MTFR1: variants seen among roughly 807,000 people sequenced by gnomAD.
MTFR1 encodes the protein mitochondrial fission regulator 1, also known as chondrocyte protein with a poly-proline region.
Under a neutral mutation model 38.8 loss-of-function variants are expected in MTFR1, and 28 were observed. The observed-to-expected ratio is 0.72, with a 90% confidence interval of 0.53 to 0.99. The LOEUF is 0.99. Among genes scored for constraint, MTFR1 ranks in the 50% least tolerant of loss-of-function variants. The pLI is 0.00. For synonymous variants in MTFR1, 145 were observed against 137.0 expected (o/e 1.06, Z -0.41); for missense variants, 358 against 395.5 (o/e 0.91, Z 0.81).
chr8:65,735,603 G>A (rs1401273360), intron 3 of MTFR1, among the ~76,000 whole-genome samples: 2 of 151,938 alleles, frequency 1.3e-5, no homozygotes, highest in African/African-American at 4.8e-5. Context: ...GAGCCACTAT[G>A]CCCCACCTAA....
chr8:65,737,021 T>C (rs1283102192), intron 3 of MTFR1, among the ~76,000 whole-genome samples: 1 of 150,630 alleles, frequency 6.6e-6, no homozygotes, highest in East Asian at 2.1e-4. Flanking sequence ...GGTGGGAGGC[T>C]GGCTGGAGCT....
chr8:65,769,620 G>A (rs1808979217), intron 3 of MTFR1, among the ~76,000 whole-genome samples: 1 of 152,190 alleles, frequency 6.6e-6, no homozygotes, highest in Non-Finnish European at 1.5e-5. Flanking sequence ...TCTAGACTGG[G>A]TGCGGTAGCT....
At chr8:65,676,530 A>C (rs998455281) in intron 2 of MTFR1, among the ~76,000 whole-genome samples, 9 of 151,816 alleles carry the variant, frequency 5.9e-5, no homozygotes, top group Non-Finnish European at 5.9e-5. Flanking sequence ...CCCCTGGCTA[A>C]TTTTTGTATT....
At chr8:65,764,495 T>C (rs1236054367) in intron 3 of MTFR1, among the ~76,000 whole-genome samples, 1 of 152,152 alleles carries the variant, frequency 6.6e-6, no homozygotes, top group African/African-American at 2.4e-5. Flanking sequence ...CAGTACAGTA[T>C]GAAAGTTAGA....
At chr8:65,659,243 T>C (rs911481632) in intron 1 of MTFR1, among the ~76,000 whole-genome samples, 4 of 152,084 alleles carry the variant, frequency 2.6e-5, no homozygotes, top group Non-Finnish European at 4.4e-5. Flanking sequence ...TATTTTGATC[T>C]TTTTTTGGTT....
At chr8:65,645,767 G>A (rs1279789493) in intron 1 of MTFR1, among the ~76,000 whole-genome samples, 12 of 145,516 alleles carry the variant, frequency 8.2e-5, no homozygotes, top group African/African-American at 2.3e-4. Context: ...TGGCTTAAGC[G>A]ATCCTCCCTC....
chr8:65,735,008 A>T, intron 3 of MTFR1: 1 of 692,400 alleles, frequency 1.4e-6, no homozygotes, highest in Non-Finnish European at 2.6e-6. Context: ...TATCGGCTAA[A>T]ATCGTGCCGA....
chr8:65,744,157 A>G (rs1807566527), intron 3 of MTFR1, among the ~76,000 whole-genome samples: 1 of 152,214 alleles, frequency 6.6e-6, no homozygotes, highest in Admixed American at 6.5e-5. Flanking sequence ...TTACCAGTGA[A>G]TAAGAACACA....
chr8:65,686,579 CAAAAAAA>C (rs757100773), intron 3 of MTFR1, among the ~76,000 whole-genome samples: 1 of 62,398 alleles, frequency 1.6e-5, no homozygotes, highest in East Asian at 5.7e-4. Flanking sequence ...GACTCCGTCT[CAAAAAAA>C]AAAAAAAAAA....
chr8:65,727,386 A>C, intron 3 of MTFR1: 1 of 1,556,210 alleles, frequency 6.4e-7, no homozygotes, highest in Non-Finnish European at 8.7e-7. Flanking sequence ...TTAGCAGCCA[A>C]TGGTAGTGGT....
At chr8:65,644,480 C>T (rs1436007210), upstream of MTFR1, among the ~76,000 whole-genome samples, 1 of 152,234 alleles carries the variant, frequency 6.6e-6, no homozygotes, top group Non-Finnish European at 1.5e-5. Flanking sequence ...AAGCATGAAG[C>T]TGACAAAAGC....
At chr8:65,650,461 C>T (rs956758936) in intron 1 of MTFR1, among the ~76,000 whole-genome samples, 4 of 152,202 alleles carry the variant, frequency 2.6e-5, no homozygotes, top group Admixed American at 1.3e-4. Context: ...TGTGAGCCAC[C>T]GCGCCTAGCC....
At chr8:65,774,723 T>A (rs1403135075), downstream of MTFR1, among the ~76,000 whole-genome samples, 2 of 151,840 alleles carry the variant, frequency 1.3e-5, no homozygotes, top group South Asian at 2.1e-4. Context: ...ATTTAAAAAA[T>A]TTATTACTAT....
intron 3 of MTFR1, chr8:65,721,962 G>A (rs1806397406): frequency 6.6e-6 from 1 of 151,934 alleles, no homozygotes; most frequent in South Asian, 2.1e-4. Context: ...GCTAATTTTT[G>A]TATTTTTAGT....
At chr8:65,703,163 G>A (rs979281115) in intron 4 of MTFR1, among the ~76,000 whole-genome samples, 1 of 151,528 alleles carries the variant, frequency 6.6e-6, no homozygotes, top group Admixed American at 6.6e-5. Flanking sequence ...GGAGGCTTGA[G>A]GCCAGGAGTT....
chr8:65,654,090 C>T (rs1245152686), intron 1 of MTFR1, among the ~76,000 whole-genome samples: 2 of 145,158 alleles, frequency 1.4e-5, no homozygotes, highest in South Asian at 4.3e-4. Flanking sequence ...AAAGGAAAAT[C>T]ACAAAAGTAG....
downstream of MTFR1, among the ~76,000 whole-genome samples, chr8:65,775,856 T>A (rs1272704840): frequency 1.3e-5 from 2 of 152,330 alleles, no homozygotes; most frequent in African/African-American, 2.4e-5. Flanking sequence ...CTTAAACTCC[T>A]GACCTCAGGT....
At chr8:65,656,500 ATTT>A (rs1232069011) in intron 1 of MTFR1, among the ~76,000 whole-genome samples, 7 of 129,738 alleles carry the variant, frequency 5.4e-5, no homozygotes, top group Admixed American at 7.8e-5. Context: ...TGCCTGGCTA[ATTT>A]TTTTTTTTTT....
intron 3 of MTFR1, chr8:65,719,486 G>C: frequency 6.2e-7 from 1 of 1,610,584 alleles, no homozygotes; most frequent in African/African-American, 1.3e-5. Context: ...CACTAGGTAA[G>C]TCATAAAACC....
Sources: gnomAD v4.1 joint callset for allele counts (sites outside exome capture counted in the v4.1 genomes callset) on GRCh38, gnomAD v4.1.1 for gene constraint, MANE v1.5 for transcripts, NCBI Gene and HGNC (gene_info 2026-07-23, HGNC 2026-07-21) for gene names.